Variants in SPIDR observed in about 807,000 individuals in gnomAD.
SPIDR encodes scaffold protein involved in DNA repair, also known as DNA repair-scaffolding protein.
Under a neutral mutation model 104.6 loss-of-function variants are expected in SPIDR, and 93 were observed. The observed-to-expected ratio is 0.89, with a 90% CI of 0.75 to 1.06. The LOEUF (loss-of-function observed/expected upper bound fraction) is 1.06. Among genes scored for constraint, SPIDR ranks in the 50% least tolerant of loss-of-function variants. The pLI, the probability that SPIDR is intolerant of heterozygous loss-of-function variation, is 0.00. For synonymous variants in SPIDR, 431 were observed against 416.9 expected, an observed-to-expected ratio of 1.03 and a Z score of -0.41; for missense variants, 1,154 against 1,111.2, an observed-to-expected ratio of 1.04 and a Z score of -0.55.
At chr8:47,502,561 A>G (rs2154371893) in intron 8 of SPIDR, among the ~76,000 whole-genome samples, 1 of 151,978 alleles carries the variant, frequency 6.6e-6, no homozygotes, top group African/African-American at 2.4e-5. Context: ...GCAGTCTATG[A>G]ATTTTGTTGA....
At chr8:47,277,313 TTGTTATGTTATGTTATGTTATGTTA>T (rs75609635) in intron 1 of SPIDR, among the ~76,000 whole-genome samples, 1,546 of 142,060 alleles carry the variant, frequency 0.011, 8 homozygotes, top group South Asian at 0.017. Context: ...TATGTTATGT[TTGTTATGTTATGTTATGTTATGTTA>T]TGTTATGTTA....
At chr8:47,411,486 T>C (rs1379650058) in intron 7 of SPIDR, among the ~76,000 whole-genome samples, 1 of 152,226 alleles carries the variant, frequency 6.6e-6, no homozygotes, top group Non-Finnish European at 1.5e-5. Context: ...TCATATCCTT[T>C]GCCCACTTGT....
intron 8 of SPIDR, among the ~76,000 whole-genome samples, chr8:47,591,462 C>G (rs1333911271): frequency 1.4e-5 from 2 of 146,614 alleles, no homozygotes; most frequent in Non-Finnish European, 3.0e-5. Flanking sequence ...ATTTATTTAT[C>G]TTTTAGAATA....
chr8:47,325,904 G>T (rs782422676), intron 5 of SPIDR, among the ~76,000 whole-genome samples: 3 of 152,180 alleles, frequency 2.0e-5, no homozygotes, highest in Non-Finnish European at 2.9e-5. Context: ...AAGTCTTCCA[G>T]CACACCTAAA....
At chr8:47,308,424 T>C (rs1318418868) in intron 5 of SPIDR, among the ~76,000 whole-genome samples, 1 of 151,528 alleles carries the variant, frequency 6.6e-6, no homozygotes, top group East Asian at 1.9e-4. Context: ...GTTTGAGGCT[T>C]GTCTGTATGT....
At chr8:47,506,126 G>A (rs1402832983) in intron 8 of SPIDR, among the ~76,000 whole-genome samples, 1 of 152,180 alleles carries the variant, frequency 6.6e-6, no homozygotes, top group Non-Finnish European at 1.5e-5. Flanking sequence ...CTCAGTTGCA[G>A]ATGACAGAAT....
At chr8:47,640,644 C>G (rs941233062) in intron 10 of SPIDR, among the ~76,000 whole-genome samples, 1 of 149,330 alleles carries the variant, frequency 6.7e-6, no homozygotes, top group South Asian at 2.1e-4. Context: ...ATGCTATGGA[C>G]TACAACCATT....
intron 5 of SPIDR, among the ~76,000 whole-genome samples, chr8:47,349,545 C>T (rs1438684991): frequency 5.3e-5 from 8 of 152,224 alleles, no homozygotes; most frequent in South Asian, 4.1e-4. Context: ...GTTTCTGCTG[C>T]CTTTTGTTCA....
intron 7 of SPIDR, among the ~76,000 whole-genome samples, chr8:47,436,328 T>C (rs1481314071): frequency 1.3e-5 from 2 of 152,208 alleles, no homozygotes; most frequent in Non-Finnish European, 1.5e-5. Context: ...TTATGGAAAA[T>C]GTTGCCTGGT....
chr8:47,348,546 G>A (rs115039537), intron 5 of SPIDR, among the ~76,000 whole-genome samples: 2,035 of 152,322 alleles, frequency 0.013, 56 homozygotes, highest in African/African-American at 0.046. Flanking sequence ...ATGCTGAAGA[G>A]TGTTTTCCAT....
chr8:47,306,141 TTTTTTA>T (rs1472849437), intron 5 of SPIDR, among the ~76,000 whole-genome samples: 23 of 152,176 alleles, frequency 1.5e-4, no homozygotes, highest in Non-Finnish European at 3.4e-4. Context: ...GTTGTTAGAA[TTTTTTA>T]TTTTTATTTT....
At chr8:47,543,407 T>A (rs566150725) in intron 8 of SPIDR, among the ~76,000 whole-genome samples, 2 of 152,308 alleles carry the variant, frequency 1.3e-5, no homozygotes, top group East Asian at 1.9e-4. Flanking sequence ...ATTTCCCTAA[T>A]GCTTGTCAAC....
chr8:47,627,610 T>C (rs1472680982), intron 10 of SPIDR, among the ~76,000 whole-genome samples: 1 of 152,164 alleles, frequency 6.6e-6, no homozygotes, highest in Non-Finnish European at 1.5e-5. Flanking sequence ...AACTTTCTCT[T>C]CCTTCTATGT....
At chr8:47,629,029 G>A (rs1342099213) in intron 10 of SPIDR, among the ~76,000 whole-genome samples, 1 of 152,224 alleles carries the variant, frequency 6.6e-6, no homozygotes, top group African/African-American at 2.4e-5. Flanking sequence ...TATAAGGACT[G>A]AGATTCTCCC....
At chr8:47,439,685 G>A (rs548031423) in intron 7 of SPIDR, among the ~76,000 whole-genome samples, 1 of 152,250 alleles carries the variant, frequency 6.6e-6, no homozygotes, top group South Asian at 2.1e-4. Flanking sequence ...TGTTTCCTGG[G>A]GCAGGTGGCA....
chr8:47,689,634 T>C (rs973088140), intron 11 of SPIDR, among the ~76,000 whole-genome samples: 1 of 152,186 alleles, frequency 6.6e-6, no homozygotes, highest in Non-Finnish European at 1.5e-5. Flanking sequence ...CCTAGCTTCA[T>C]GGTACTGGGT....
intron 10 of SPIDR, among the ~76,000 whole-genome samples, chr8:47,603,663 A>G (rs1376533742): frequency 6.6e-6 from 1 of 151,716 alleles, no homozygotes; most frequent in Non-Finnish European, 1.5e-5. Flanking sequence ...TTTCCAAAGT[A>G]CTAGGACTAC....
chr8:47,701,222 C>T (rs986242986), intron 12 of SPIDR, among the ~76,000 whole-genome samples: 3 of 152,158 alleles, frequency 2.0e-5, no homozygotes, highest in African/African-American at 4.8e-5. Flanking sequence ...CACCTGAGGT[C>T]GGGAGTTCAA....
intron 5 of SPIDR, among the ~76,000 whole-genome samples, chr8:47,326,634 C>T (rs2047707821): frequency 6.6e-6 from 1 of 152,206 alleles, no homozygotes. Flanking sequence ...CATCTCAGTC[C>T]TTGGTAACAC....
Sources: gnomAD v4.1 joint callset for allele counts (sites outside exome capture counted in the v4.1 genomes callset) on GRCh38, gnomAD v4.1.1 for gene constraint, MANE v1.5 for transcripts, NCBI Gene and HGNC (gene_info 2026-07-23, HGNC 2026-07-21) for gene names.